The following ANKS6 variants were observed in gnomAD, a reference collection of about 807,000 sequenced individuals.
ANKS6 encodes the protein ankyrin repeat and sterile alpha motif domain containing 6.
In ANKS6, 47 loss-of-function variants were observed where a neutral mutation model predicts 77.9. The ratio of observed to expected loss-of-function variants is 0.60; its 90% confidence interval spans 0.48 to 0.77. The LOEUF is 0.77. ANKS6 is among the 30% of genes least tolerant of loss of function. The probability of loss-of-function intolerance (pLI) is 0.00; values close to 1 mark genes in which losing one functional copy is unlikely to be tolerated. For synonymous variants in ANKS6, 488 were observed against 501.7 expected (o/e 0.97, Z 0.37); for missense variants, 1,150 against 1,159.1 (o/e 0.99, Z 0.11).
At chr9:98,792,696 T>C (rs1044470946) in intron 1 of ANKS6, among the ~76,000 whole-genome samples, 2 of 152,172 alleles carry the variant, frequency 1.3e-5, no homozygotes, top group African/African-American at 4.8e-5. Context: ...TTGATCTTAA[T>C]AAACCCCGAG....
rs376042242 is a variant in ANKS6, at chr9:98,784,016, G to A, written c.1049C>T (p.Ala350Val). The A allele has an allele frequency of 2.3e-5, 37 of 1,610,764 alleles. No individual in the cohort carries two copies. The highest frequency in any genetic ancestry group is 9.3e-5 in the African/African-American group (7 of 74,896). Reference protein sequence around the residue: ...ALVQLLVERHADVDKQDSVHG... With the variant: ...ALVQLLVERHVDVDKQDSVHG... ...CACGCTGTCCTGCTTGTCAACATCC[G>A]CGTGCCTCTCCACCAGCAGCTGCAC... The change falls in exon 4 of 15, where the codon GCG becomes GTG. Residue 350 changes from alanine (A) to valine (V), a missense_variant. Coordinates refer to ENST00000353234, the MANE Select transcript of ANKS6 (RefSeq NM_173551.5).
intron 14 of ANKS6, among the ~76,000 whole-genome samples, chr9:98,738,717 C>G (rs1831642221): frequency 1.3e-5 from 2 of 152,122 alleles, no homozygotes; most frequent in Admixed American, 6.5e-5. Flanking sequence ...AGTAGAACTA[C>G]CATTTGATCC....
At chr9:98,743,479 C>T (rs1306254887) in intron 14 of ANKS6, among the ~76,000 whole-genome samples, 1 of 152,210 alleles carries the variant, frequency 6.6e-6, no homozygotes, top group African/African-American at 2.4e-5. Context: ...CTTCCCTCTG[C>T]CTGCTCCGCA....
At chr9:98,778,553 A>G in intron 6 of ANKS6, 129 bp from the exon 7 acceptor site, 1 of 792,296 alleles carries the variant, frequency 1.3e-6, no homozygotes, top group Non-Finnish European at 2.0e-6. Flanking sequence ...GGGCCCAGAC[A>G]GACATTACTG....
chr9:98,773,547 C>T (rs1833752811), intron 9 of ANKS6, among the ~76,000 whole-genome samples: 3 of 152,172 alleles, frequency 2.0e-5, no homozygotes, highest in Admixed American at 1.3e-4. Context: ...TGGTGATCTT[C>T]AGCTATTACT....
intron 11 of ANKS6, among the ~76,000 whole-genome samples, chr9:98,758,101 C>A (rs1832811625): frequency 6.6e-6 from 1 of 152,162 alleles, no homozygotes; most frequent in East Asian, 1.9e-4. Flanking sequence ...GCCCTCCTTC[C>A]TTCCACATTT....
In ANKS6 at chr9:98,780,196, C is replaced by T. The variant is rs1159712533; in HGVS notation, c.1361G>A (p.Gly454Glu). 2 of 1,613,720 alleles carry T rather than the reference C, an allele frequency of 1.2e-6. No individual in the cohort carries two copies. The highest frequency in any genetic ancestry group is 3.3e-5 in the Admixed American group (2 of 60,002). ...SIPVLPDDKG[G>E]LKSWWNRMSN... ...AGACAGGAAAAGGCAAACCTTCAGT[C>T]CACCCTTGTCATCGGGCAGCACTGG... is the stretch of plus-strand genomic sequence containing the variant. Residue 454 changes from glycine (G) to glutamate (E), a missense_variant, in exon 6 of 15, where the codon GGA becomes GAA. Gly to Glu is a moderately conservative substitution (Grantham distance 98). Transcript: ENST00000353234.
At chr9:98,759,147 G>A (rs568676459) in intron 11 of ANKS6, among the ~76,000 whole-genome samples, 2 of 152,058 alleles carry the variant, frequency 1.3e-5, no homozygotes, top group South Asian at 4.2e-4. Flanking sequence ...CACCAAGAGG[G>A]TACCATACAG....
intron 13 of ANKS6, among the ~76,000 whole-genome samples, chr9:98,748,914 C>G (rs574001018): frequency 3.3e-5 from 5 of 152,072 alleles, no homozygotes; most frequent in Middle Eastern, 3.2e-3. Flanking sequence ...TCACTGATAA[C>G]TATAAGTGCA....
chr9:98,773,556 C>T (rs1833753693), intron 9 of ANKS6, among the ~76,000 whole-genome samples: 1 of 152,172 alleles, frequency 6.6e-6, no homozygotes, highest in Non-Finnish European at 1.5e-5. Context: ...TCAGCTATTA[C>T]TCCCACTCCC....
intron 11 of ANKS6, among the ~76,000 whole-genome samples, chr9:98,763,984 C>G (rs1833145275): frequency 6.6e-6 from 1 of 152,080 alleles, no homozygotes; most frequent in African/African-American, 2.4e-5. Context: ...TAAGTTAAAA[C>G]CTTCCAAAAG....
Position 98,778,433 on chromosome 9 carries a change from G to C in ANKS6, c.1369-9C>G, listed in dbSNP as rs1190624422. 1.2e-6 allele frequency: 2 copies of C among 1,613,362 alleles called. No individual in the cohort carries two copies. The highest frequency in any genetic ancestry group is 1.7e-6 in the Non-Finnish European group (2 of 1,179,752). On this transcript the variant is annotated splice_polypyrimidine_tract_variant and intron_variant, in intron 6 of 14. Transcript: ENST00000353234. ...ATTCGGTTCCACCAGGACTGCCAAAGGAACGCAGAGCAGAAGTCATGCTCC... is the reference window on the plus strand; with the variant it reads ...ATTCGGTTCCACCAGGACTGCCAAACGAACGCAGAGCAGAAGTCATGCTCC...
In ANKS6 at chr9:98,777,459, G is replaced by A. The variant is rs1833979288; in HGVS notation, c.1568-5C>T. ...CTCCTCTTGTGCTCCCAGGACCTGAGAGACAAATGGAAATTTCCTGAAATG... is the reference window on the plus strand; with the variant it reads ...CTCCTCTTGTGCTCCCAGGACCTGAAAGACAAATGGAAATTTCCTGAAATG... On this transcript the variant is annotated splice_region_variant and splice_polypyrimidine_tract_variant and intron_variant, in intron 7 of 14. Transcript: ENST00000353234. 6.2e-7 allele frequency: 1 copy of A among 1,614,102 alleles called. No homozygotes were observed. Among genetic ancestry groups the A allele is most frequent in the African/African-American group, 1.3e-5 (1 of 75,010 alleles).
At chr9:98,794,148 C>CAAAA (rs375021953) in intron 1 of ANKS6, among the ~76,000 whole-genome samples, 6,830 of 109,550 alleles carry the variant, frequency 0.062, 442 homozygotes, top group Non-Finnish European at 0.093. Flanking sequence ...GACTCCGTCT[C>CAAAA]AAAAAAAAAA....
At chr9:98,741,807 A>G (rs959364778) in intron 14 of ANKS6, among the ~76,000 whole-genome samples, 4 of 152,222 alleles carry the variant, frequency 2.6e-5, no homozygotes, top group African/African-American at 4.8e-5. Flanking sequence ...ACTATGCTTA[A>G]TAAGACTTGC....
intron 13 of ANKS6, chr9:98,746,104 G>A (rs1832116152): frequency 6.1e-6 from 1 of 162,664 alleles, no homozygotes; most frequent in Non-Finnish European, 1.3e-5. Context: ...ACTGTGGAAA[G>A]AGAGTGAGGA....
chr9:98,790,177 C>T lies in ANKS6; in HGVS notation c.789G>A (p.Glu263=). 1.2e-6 allele frequency: 2 copies of T among 1,601,542 alleles called. No individual in the cohort carries two copies. The highest frequency in any genetic ancestry group is 8.5e-7 in the Non-Finnish European group (1 of 1,169,974). The change falls in exon 2 of 15, where the codon GAG becomes GAA. Residue 263 remains glutamate (E), a synonymous_variant. Coordinates refer to ENST00000353234, the MANE Select transcript of ANKS6 (RefSeq NM_173551.5). ...HLSVLEKTAF[E]VALDCKHRDL... ...CCCTGTGCTTGCAGTCCAGTGCAAC[C>T]TCGAAGGCGGTCTTCTCCAGCACGC...
chr9:98,750,212 G>T (rs999429827), intron 13 of ANKS6, among the ~76,000 whole-genome samples: 1 of 152,140 alleles, frequency 6.6e-6, no homozygotes, highest in Non-Finnish European at 1.5e-5. Context: ...TGGCAACCAC[G>T]AATCTACTTT....
intron 2 of ANKS6, among the ~76,000 whole-genome samples, chr9:98,788,583 T>C (rs1460764417): frequency 6.6e-6 from 1 of 152,248 alleles, no homozygotes; most frequent in Non-Finnish European, 1.5e-5. Flanking sequence ...CAAGCCTTTA[T>C]GAGTCCCTAA....
Sources: gnomAD v4.1 joint callset for allele counts (sites outside exome capture counted in the v4.1 genomes callset) on GRCh38, gnomAD v4.1.1 for gene constraint, MANE v1.5 for transcripts, NCBI Gene and HGNC (gene_info 2026-07-23, HGNC 2026-07-21) for gene names.